Variants in FGF13 observed in about 807,000 individuals in gnomAD.
The protein encoded by FGF13 is fibroblast growth factor homologous factor 2.
FGF13 carries 2 observed loss-of-function variants against 19.5 expected under a neutral mutation model. The ratio of observed to expected loss-of-function variants is 0.10; its 90% CI spans 0.04 to 0.32. FGF13 has a LOEUF of 0.32. FGF13 is among the 10% of genes least tolerant of loss of function. The probability of loss-of-function intolerance (pLI) is 1.00; values close to 1 mark genes in which losing one functional copy is unlikely to be tolerated. For synonymous variants in FGF13, 72 were observed against 76.9 expected, an observed-to-expected ratio of 0.94 and a Z score of 0.33; for missense variants, 113 against 192.7, an observed-to-expected ratio of 0.59 and a Z score of 2.45.
chrX:138,946,303 A>C (rs1354933304), intron 1 of FGF13, among the ~76,000 whole-genome samples: 1 of 112,128 alleles, frequency 8.9e-6, no homozygotes, highest in African/African-American at 3.2e-5. Context: ...GTGTTCTCTT[A>C]AAGAGGCTGG....
rs1054984441 is a variant in FGF13 at position 138,679,863 on chromosome X, T to G, written c.402+23121A>C. Among the ~76,000 whole-genome samples, 3 of 111,975 alleles carry G rather than the reference T, an allele frequency of 2.7e-5. 1 individual carries two copies. Among genetic ancestry groups the G allele is most frequent in the Middle Eastern group, 9.2e-3 (2 of 217 alleles). Reference sequence around the variant, plus strand: ...ATGGACTCTTCCTTTCATGAAAGATTTCTCTGTAGCAGGTGATACTGTATG... The same window carrying G: ...ATGGACTCTTCCTTTCATGAAAGATGTCTCTGTAGCAGGTGATACTGTATG... On this transcript the variant is annotated intron_variant, in intron 3 of 4. Transcript: ENST00000315930.
chrX:138,819,182 A>G (rs2090982228), intron 3 of FGF13, among the ~76,000 whole-genome samples: 1 of 111,659 alleles, frequency 9.0e-6, no homozygotes, highest in South Asian at 3.8e-4. Flanking sequence ...CTTACTTCTT[A>G]TGTAGCCTTT....
chrX:139,124,167 G>A (rs1196764606), intron 1 of FGF13, among the ~76,000 whole-genome samples: 1 of 112,237 alleles, frequency 8.9e-6, no homozygotes, highest in Non-Finnish European at 1.9e-5. Flanking sequence ...GAAATGTAGT[G>A]CCCTCGTCCC....
chrX:138,756,838 G>C (rs1242306218), intron 3 of FGF13, among the ~76,000 whole-genome samples: 1 of 111,027 alleles, frequency 9.0e-6, no homozygotes. Context: ...CATATTTCTG[G>C]CTCCAGGTGA....
At chrX:138,928,509 T>C (rs2091684977) in intron 1 of FGF13, among the ~76,000 whole-genome samples, 1 of 110,437 alleles carries the variant, frequency 9.1e-6, no homozygotes, top group African/African-American at 3.3e-5. Flanking sequence ...TGCAGGAAGA[T>C]GTTATCGCGG....
At chrX:138,713,045 G>C (rs933155142), upstream of FGF13, among the ~76,000 whole-genome samples, 26 of 112,362 alleles carry the variant, frequency 2.3e-4, no homozygotes, top group African/African-American at 8.1e-4. Context: ...TCCATCAGAA[G>C]CACCACTGTG....
At chrX:139,103,990 A>G (rs746640669) in intron 1 of FGF13, among the ~76,000 whole-genome samples, 3 of 111,507 alleles carry the variant, frequency 2.7e-5, no homozygotes, top group Non-Finnish European at 5.6e-5. Flanking sequence ...ACTAAGTAAC[A>G]GTGACCTGGA....
In FGF13 at chrX:138,913,182, C is replaced by CTTTTTTTTTTTTT. The variant is rs35078012; in HGVS notation, c.-112-48545_-112-48533dup. Among the ~76,000 whole-genome samples the CTTTTTTTTTTTTT allele has an allele frequency of 1.1e-4, 4 of 37,092 alleles. 1 individual carries two copies. Among genetic ancestry groups the CTTTTTTTTTTTTT allele is most frequent in the African/African-American group, 5.0e-4 (4 of 8,007 alleles). The allele number at this position is 37,092 out of a possible 115,157, so 32.2% of individuals were successfully genotyped here. On this transcript the variant is annotated intron_variant, in intron 1 of 2. Transcript: ENST00000421460. ...TGCACCTGGAAAGAAAAAGCATCTA[C>CTTTTTTTTTTTTT]TTTTTTTTTTTTTTTTTTTTTTTTT...
chrX:139,027,227 G>A (rs1286730574), intron 1 of FGF13, among the ~76,000 whole-genome samples: 1 of 111,997 alleles, frequency 8.9e-6, no homozygotes, highest in East Asian at 2.8e-4. Context: ...AAAATGTACT[G>A]TCACTTGCAA....
chrX:138,670,100 A>G (rs1333853275), intron 3 of FGF13, among the ~76,000 whole-genome samples: 2 of 112,166 alleles, frequency 1.8e-5, no homozygotes, highest in African/African-American at 3.2e-5. Flanking sequence ...TATTTAGGTG[A>G]AAATGTTCAA....
At chrX:138,863,190 T>G (rs1011508429) in intron 2 of FGF13, among the ~76,000 whole-genome samples, 2 of 111,051 alleles carry the variant, frequency 1.8e-5, no homozygotes, top group East Asian at 5.7e-4. Flanking sequence ...TACTTATATA[T>G]GTATGTATTT....
Position 138,614,732 on chromosome X carries a change from C to A in FGF13, c.*18118G>T, listed in dbSNP as rs909037158. 1 of 112,074 alleles carries A rather than the reference C, an allele frequency of 8.9e-6. No homozygotes were observed. The highest frequency in any genetic ancestry group is 3.2e-5 in the African/African-American group (1 of 30,846). The allele number at this position is 112,074 out of a possible 1,213,427, so 9.2% of individuals were successfully genotyped here. On this transcript the variant is annotated 3_prime_UTR_variant, in exon 5 of 5. Transcript: ENST00000315930. Reference sequence around the variant, plus strand: ...GCCAATGATCACACAAAATCTTATACATGAATGTTCATAGCAACTTTATTT... The same window carrying A: ...GCCAATGATCACACAAAATCTTATAAATGAATGTTCATAGCAACTTTATTT...
At chrX:138,681,518 T>C (rs1372531667) in intron 3 of FGF13, among the ~76,000 whole-genome samples, 1 of 113,029 alleles carries the variant, frequency 8.8e-6, no homozygotes, top group Non-Finnish European at 1.9e-5. Context: ...CGTAAGGCTA[T>C]TTCTTTCTTA....
At position 138,621,040 on chromosome X, in the gene FGF13, A is replaced by T; in HGVS notation, c.*11810T>A. ...GACTGTAATAGTATAGTAGTAGAAG[A>T]CTTTGATACCCAGCTTTCAACAATG... On this transcript the variant is annotated 3_prime_UTR_variant, in exon 5 of 5. Coordinates refer to ENST00000315930, the MANE Select transcript of FGF13 (RefSeq NM_004114.5). The T allele has an allele frequency of 8.9e-6, 1 of 111,905 alleles. No individual in the cohort carries two copies. Among genetic ancestry groups the T allele is most frequent in the Non-Finnish European group, 1.9e-5 (1 of 53,167 alleles). The allele number at this position is 111,905 out of a possible 1,213,427, so 9.2% of individuals were successfully genotyped here. A position where few individuals can be genotyped will look rare whatever the true frequency, so the allele number is the denominator to read the frequency against.
chrX:138,894,530 A>C (rs146242634), intron 1 of FGF13, among the ~76,000 whole-genome samples: 7,854 of 111,019 alleles, frequency 0.071, 711 homozygotes, highest in African/African-American at 0.24. Flanking sequence ...ACTATAAACA[A>C]CTCTATGCAA....
chrX:138,811,357 A>G (rs2090923008), intron 3 of FGF13, among the ~76,000 whole-genome samples: 1 of 110,636 alleles, frequency 9.0e-6, no homozygotes, highest in Admixed American at 9.7e-5. Flanking sequence ...AAAAAACCAA[A>G]CACCACATGT....
rs59636336 is a variant in FGF13 at position 138,980,675 on chromosome X, G to GTT, written c.-112-116027_-112-116026dup. On this transcript the variant is annotated intron_variant, in intron 1 of 2. Coordinates refer to the FGF13 transcript ENST00000421460. ...CACTATGGATGCTTCCAGAAGTGTGGTTTTTTTTTTTTTTTTTTTTTTGCA... is the reference window on the plus strand; with the variant it reads ...CACTATGGATGCTTCCAGAAGTGTGGTTTTTTTTTTTTTTTTTTTTTTTTGCA... Among the ~76,000 whole-genome samples, 411 of 84,857 alleles carry GTT rather than the reference G, an allele frequency of 4.8e-3. 7 individuals are homozygous for GTT. Among genetic ancestry groups the GTT allele is most frequent in the African/African-American group, 0.014 (324 of 22,723 alleles). 73.7% of individuals were successfully genotyped at this position (84,857 alleles called of 115,157 possible).
At chrX:139,097,843 A>G (rs919139550) in intron 1 of FGF13, among the ~76,000 whole-genome samples, 1 of 112,150 alleles carries the variant, frequency 8.9e-6, no homozygotes, top group Non-Finnish European at 1.9e-5. Context: ...TTGACTATAT[A>G]GAATAAAAGA....
intron 1 of FGF13, among the ~76,000 whole-genome samples, chrX:138,734,477 G>C (rs1224372650): frequency 9.0e-6 from 1 of 111,363 alleles, no homozygotes; most frequent in Non-Finnish European, 1.9e-5. Flanking sequence ...AGGGGAAAAT[G>C]AGCACAAAGG....
Sources: gnomAD v4.1 joint callset for allele counts (sites outside exome capture counted in the v4.1 genomes callset) on GRCh38, gnomAD v4.1.1 for gene constraint, MANE v1.5 for transcripts, NCBI Gene and HGNC (gene_info 2026-07-23, HGNC 2026-07-21) for gene names.